The following ARFGEF1 variants were observed in gnomAD, a reference collection of about 807,000 sequenced individuals.
ARFGEF1 encodes brefeldin A-inhibited guanine nucleotide-exchange protein 1.
In ARFGEF1, 42 loss-of-function variants were observed where a neutral mutation model predicts 231.0. That is an observed-to-expected ratio of 0.18 (90% confidence interval 0.14 to 0.24). The LOEUF (loss-of-function observed/expected upper bound fraction) is 0.24. Among genes scored for constraint, ARFGEF1 ranks in the 10% least tolerant of loss-of-function variants. The pLI, the probability that ARFGEF1 is intolerant of heterozygous loss-of-function variation, is 1.00. For missense variants in ARFGEF1, 1,345 were observed against 2,192.0 expected (o/e 0.61, Z 7.72); for synonymous variants, 710 against 732.3 (o/e 0.97, Z 0.49).
At chr8:67,261,357 G>C (rs1804613674) in intron 14 of ARFGEF1, among the ~76,000 whole-genome samples, 1 of 152,176 alleles carries the variant, frequency 6.6e-6, no homozygotes, top group African/African-American at 2.4e-5. Context: ...ATATTAACTT[G>C]AAGCCAATGC....
At chr8:67,278,424 A>C (rs1277213062) in intron 7 of ARFGEF1, among the ~76,000 whole-genome samples, 1 of 152,192 alleles carries the variant, frequency 6.6e-6, no homozygotes, top group Non-Finnish European at 1.5e-5. Flanking sequence ...GTTATTACTA[A>C]TTTTGTTACT....
chr8:67,309,757 A>G (rs1282131954), intron 1 of ARFGEF1, among the ~76,000 whole-genome samples: 1 of 152,202 alleles, frequency 6.6e-6, no homozygotes. Flanking sequence ...TCTTTTGTCA[A>G]ACAAAACAAA....
intron 15 of ARFGEF1, among the ~76,000 whole-genome samples, chr8:67,258,656 C>G (rs1403839193): frequency 6.6e-6 from 1 of 152,100 alleles, no homozygotes; most frequent in Admixed American, 6.5e-5. Context: ...TTTACATTCA[C>G]CACACAGCCA....
chr8:67,253,637 C>G lies in ARFGEF1; in HGVS notation c.2527-15G>C, dbSNP rs765539121. 3.0e-6 allele frequency: 4 copies of G among 1,338,938 alleles called. No homozygotes were observed. In the East Asian group the frequency reaches 1.0e-4, roughly 34 times the overall value. 82.9% of individuals were successfully genotyped at this position (1,338,938 alleles called of 1,614,324 possible). A position where few individuals can be genotyped will look rare whatever the true frequency, so the allele number is the denominator to read the frequency against. On this transcript the variant is annotated splice_polypyrimidine_tract_variant and intron_variant, in intron 17 of 38. Transcript: ENST00000262215. The stretch of plus-strand genomic sequence containing the variant: ...TTATTTTTCACCTAGATATGAAAAA[C>G]CATTATAATTCCTAAAAATTAACAT...
At position 67,217,781 on chromosome 8, in the gene ARFGEF1, C is replaced by T; in HGVS notation, c.4613+1G>A. 1 of 1,613,036 alleles carries T rather than the reference C, an allele frequency of 6.2e-7. No individual in the cohort carries two copies. Among genetic ancestry groups the T allele is most frequent in the Non-Finnish European group, 8.5e-7 (1 of 1,179,498 alleles). On this transcript the variant is annotated splice_donor_variant, in intron 32 of 38. Transcript: ENST00000262215. LOFTEE classifies it high-confidence loss of function. The stretch of plus-strand genomic sequence containing the variant: ...TGTAAAGTTGTATAAAATCTTCTTA[C>T]GCATGTGGGATTGTGGTTTTGAAGA...
chr8:67,188,379 C>T (rs1480373124), intron 5 of ARFGEF1, among the ~76,000 whole-genome samples: 1 of 152,166 alleles, frequency 6.6e-6, no homozygotes, highest in African/African-American at 2.4e-5. Context: ...TGTAACTCAG[C>T]TCACACCCAA....
At chr8:67,246,466 A>G (rs1840110356) in intron 19 of ARFGEF1, among the ~76,000 whole-genome samples, 1 of 150,476 alleles carries the variant, frequency 6.6e-6, no homozygotes, top group South Asian at 2.1e-4. Flanking sequence ...TTTAGAAACA[A>G]CACAAACACA....
At chr8:67,317,125 G>A (rs1444500594) in intron 1 of ARFGEF1, among the ~76,000 whole-genome samples, 1 of 152,142 alleles carries the variant, frequency 6.6e-6, no homozygotes, top group African/African-American at 2.4e-5. Flanking sequence ...AAAGCATTCT[G>A]ACGACACAAA....
At chr8:67,202,149 C>G (rs1369541874) in intron 36 of ARFGEF1, among the ~76,000 whole-genome samples, 1 of 152,234 alleles carries the variant, frequency 6.6e-6, no homozygotes, top group Non-Finnish European at 1.5e-5. Flanking sequence ...AAGCACCAAA[C>G]CCTTTTGATA....
intron 14 of ARFGEF1, among the ~76,000 whole-genome samples, chr8:67,265,343 G>A (rs1292366922): frequency 5.3e-5 from 8 of 152,088 alleles, no homozygotes; most frequent in Non-Finnish European, 5.9e-5. Flanking sequence ...GAATTTTTAA[G>A]TTTATAATAG....
At chr8:67,231,606 G>A (rs1372306398) in intron 23 of ARFGEF1, among the ~76,000 whole-genome samples, 1 of 152,032 alleles carries the variant, frequency 6.6e-6, no homozygotes, top group Non-Finnish European at 1.5e-5. Context: ...TGACAGTGAA[G>A]ATGATTTTTC....
At chr8:67,197,652 T>G, downstream of ARFGEF1, 1 of 985,870 alleles carries the variant, frequency 1.0e-6, no homozygotes, top group Middle Eastern at 5.2e-4. Flanking sequence ...GGGTGGGTTA[T>G]ACAGGTTTTG....
intron 5 of ARFGEF1, among the ~76,000 whole-genome samples, chr8:67,185,260 A>G (rs190886591): frequency 2.4e-4 from 37 of 152,284 alleles, no homozygotes; most frequent in Admixed American, 1.8e-3. Context: ...CCACCAGCCA[A>G]TGGAAGATTT....
intron 22 of ARFGEF1, among the ~76,000 whole-genome samples, 184 bp downstream of exon 22, chr8:67,238,159 T>A (rs980486567): frequency 1.3e-5 from 2 of 152,174 alleles, no homozygotes; most frequent in African/African-American, 4.8e-5. Context: ...AAACTAAGGG[T>A]CATTTAATGT....
intron 1 of ARFGEF1, among the ~76,000 whole-genome samples, chr8:67,305,012 G>C (rs896915944): frequency 1.3e-5 from 2 of 152,142 alleles, no homozygotes; most frequent in African/African-American, 4.8e-5. Flanking sequence ...GGCAGTTTTT[G>C]TTATAAGGTG....
intron 7 of ARFGEF1, among the ~76,000 whole-genome samples, chr8:67,287,656 G>A (rs532112515): frequency 3.9e-4 from 60 of 152,218 alleles, no homozygotes; most frequent in African/African-American, 1.3e-3. Context: ...CCATTTAGAC[G>A]GTTTCTGTCC....
downstream of ARFGEF1, chr8:67,197,511 G>T: frequency 1.7e-6 from 1 of 601,006 alleles, no homozygotes; most frequent in Non-Finnish European, 2.1e-6. Flanking sequence ...TAAGTACAGT[G>T]TAAGGAGGAT....
intron 1 of ARFGEF1, among the ~76,000 whole-genome samples, chr8:67,327,546 CT>C (rs1174494239): frequency 6.6e-6 from 1 of 152,162 alleles, no homozygotes; most frequent in Non-Finnish European, 1.5e-5. Context: ...TCTCAAACTC[CT>C]GACTTCAGGT....
downstream of ARFGEF1, chr8:67,193,674 C>T (rs889808467): frequency 8.3e-6 from 11 of 1,330,752 alleles, no homozygotes; most frequent in African/African-American, 1.6e-4. Context: ...TCAAGGCTTT[C>T]ACTAACGTCT....
Sources: gnomAD v4.1 joint callset for allele counts (sites outside exome capture counted in the v4.1 genomes callset) on GRCh38, gnomAD v4.1.1 for gene constraint, MANE v1.5 for transcripts, NCBI Gene and HGNC (gene_info 2026-07-23, HGNC 2026-07-21) for gene names.